The following PCSK6 variants were observed in gnomAD, a reference collection of about 807,000 sequenced individuals.
The protein encoded by PCSK6 is proprotein convertase subtilisin/kexin type 6, also known as paired basic amino acid cleaving enzyme 4.
Under a neutral mutation model 123.3 loss-of-function variants are expected in PCSK6, and 85 were observed. The ratio of observed to expected loss-of-function variants is 0.69; its 90% CI spans 0.58 to 0.83. The LOEUF is 0.83. Ranked by LOEUF, PCSK6 falls within the 40% of genes least tolerant of loss-of-function variation. The pLI, the probability that PCSK6 is intolerant of heterozygous loss-of-function variation, is 0.00. For missense variants in PCSK6, 1,191 were observed against 1,282.3 expected (o/e 0.93, Z 1.09); for synonymous variants, 508 against 516.0 (o/e 0.98, Z 0.21).
intron 1 of PCSK6, among the ~76,000 whole-genome samples, chr15:101,470,061 T>C (rs2057568300): frequency 6.6e-6 from 1 of 151,610 alleles, no homozygotes; most frequent in South Asian, 2.1e-4. Context: ...CTAACTGCCA[T>C]TTTTTTTGAA....
At chr15:101,418,670 G>A (rs2055976305) in intron 6 of PCSK6, among the ~76,000 whole-genome samples, 1 of 151,940 alleles carries the variant, frequency 6.6e-6, no homozygotes, top group Admixed American at 6.6e-5. Context: ...CTGCCACCAT[G>A]CCCAGCTAAT....
chr15:101,486,566 G>C (rs558221226), intron 1 of PCSK6, among the ~76,000 whole-genome samples: 1 of 152,312 alleles, frequency 6.6e-6, no homozygotes, highest in South Asian at 2.1e-4. Context: ...CTGATGAGTA[G>C]AGGGACAAAG....
intron 6 of PCSK6, among the ~76,000 whole-genome samples, chr15:101,403,744 G>A (rs904223588): frequency 6.6e-6 from 1 of 151,290 alleles, no homozygotes; most frequent in Non-Finnish European, 1.5e-5. Context: ...TTTTGAGATG[G>A]CGTCTCGCTC....
At chr15:101,377,656 T>C (rs2041790572) in intron 11 of PCSK6, among the ~76,000 whole-genome samples, 1 of 152,246 alleles carries the variant, frequency 6.6e-6, no homozygotes, top group Non-Finnish European at 1.5e-5. Flanking sequence ...TGTTTTAAAA[T>C]GACCGCCATA....
Position 101,398,279 on chromosome 15 carries a change from C to G in PCSK6, c.996+125G>C, listed in dbSNP as rs891209638. Reference sequence around the variant, plus strand: ...TGACTCCTCCACACTGGCCCTGGCACCTGTCACAGCAGAGTCTTCCCTGTC... The same window carrying G: ...TGACTCCTCCACACTGGCCCTGGCAGCTGTCACAGCAGAGTCTTCCCTGTC... On this transcript the variant is annotated intron_variant, in intron 7 of 21. Coordinates refer to ENST00000611716, the MANE Select transcript of PCSK6 (RefSeq NM_002570.5). This position sits in a 1 kb window ranked among gnomAD's most constrained non-coding sequence, Gnocchi z 4.6. 8.3e-7 allele frequency: 1 copy of G among 1,201,664 alleles called. No individual in the cohort carries two copies. Among genetic ancestry groups the G allele is most frequent in the African/African-American group, 1.5e-5 (1 of 66,062 alleles). The allele number at this position is 1,201,664 out of a possible 1,614,324, so 74.4% of individuals were successfully genotyped here.
chr15:101,451,190 T>A (rs1376835567), intron 1 of PCSK6, among the ~76,000 whole-genome samples: 1 of 151,788 alleles, frequency 6.6e-6, no homozygotes, highest in Non-Finnish European at 1.5e-5. Flanking sequence ...TTTTTGAAGA[T>A]CCTGAGGAAT....
At chr15:101,354,799 C>T (rs1014864968) in intron 13 of PCSK6, among the ~76,000 whole-genome samples, 4 of 152,236 alleles carry the variant, frequency 2.6e-5, no homozygotes, top group Non-Finnish European at 5.9e-5. Context: ...CTCTCCCACT[C>T]CTCACCCCCA....
intron 2 of PCSK6, among the ~76,000 whole-genome samples, chr15:101,443,243 C>A (rs2056801616): frequency 6.6e-6 from 1 of 152,282 alleles, no homozygotes; most frequent in East Asian, 1.9e-4. Context: ...CAAAAACATC[C>A]ACCTGCCTGA....
intron 13 of PCSK6, among the ~76,000 whole-genome samples, chr15:101,362,441 T>TACAAGG (rs1445900131): frequency 1.2e-4 from 18 of 152,108 alleles, no homozygotes; most frequent in Non-Finnish European, 1.2e-4. Context: ...GTGCTCAGTG[T>TACAAGG]CACGGGGCTG....
At chr15:101,407,195 G>A (rs1001434371) in intron 6 of PCSK6, among the ~76,000 whole-genome samples, 16 of 152,172 alleles carry the variant, frequency 1.1e-4, no homozygotes, top group Non-Finnish European at 2.2e-4. Context: ...CGGAATGTCG[G>A]CTCTGCATGA....
intron 6 of PCSK6, among the ~76,000 whole-genome samples, chr15:101,423,137 T>C (rs1472310149): frequency 6.6e-6 from 1 of 151,916 alleles, no homozygotes; most frequent in East Asian, 1.9e-4. Flanking sequence ...CTTACAAACA[T>C]GTTAAAGAGT....
At chr15:101,455,381 C>A (rs954282740) in intron 1 of PCSK6, among the ~76,000 whole-genome samples, 2 of 152,214 alleles carry the variant, frequency 1.3e-5, no homozygotes, top group Non-Finnish European at 2.9e-5. Context: ...ATCCTTGGCC[C>A]CTCTCTATTG....
At chr15:101,471,492 C>G (rs940325705) in intron 1 of PCSK6, among the ~76,000 whole-genome samples, 1 of 152,220 alleles carries the variant, frequency 6.6e-6, no homozygotes. Context: ...GATCAAACTT[C>G]TCTCCATCCA....
intron 15 of PCSK6, among the ~76,000 whole-genome samples, chr15:101,328,130 G>C (rs2040299915): frequency 1.3e-5 from 2 of 152,316 alleles, no homozygotes; most frequent in South Asian, 4.1e-4. Context: ...CAAAACTCCA[G>C]CTCAGCCACT....
At chr15:101,487,372 T>C (rs1469524395) in intron 1 of PCSK6, among the ~76,000 whole-genome samples, 1 of 152,228 alleles carries the variant, frequency 6.6e-6, no homozygotes, top group East Asian at 1.9e-4. Context: ...CTCCCCAGAA[T>C]ATCCTGGGTA....
chr15:101,456,037 T>C (rs2057170054), intron 1 of PCSK6, among the ~76,000 whole-genome samples: 1 of 152,222 alleles, frequency 6.6e-6, no homozygotes, highest in Non-Finnish European at 1.5e-5. Flanking sequence ...AGGCACTACA[T>C]TGCCTTTTCT....
At chr15:101,408,532 T>C (rs935937692) in intron 6 of PCSK6, among the ~76,000 whole-genome samples, 1 of 152,208 alleles carries the variant, frequency 6.6e-6, no homozygotes, top group African/African-American at 2.4e-5. Context: ...CTCCTTCCTA[T>C]GGCTCCTGCT....
chr15:101,377,675 A>G (rs1567175498), intron 11 of PCSK6, among the ~76,000 whole-genome samples: 1 of 152,250 alleles, frequency 6.6e-6, no homozygotes, highest in Non-Finnish European at 1.5e-5. Flanking sequence ...TACGCAGTCT[A>G]GTTTCACGAA....
intron 11 of PCSK6, among the ~76,000 whole-genome samples, chr15:101,372,433 A>C (rs2041613959): frequency 6.6e-6 from 1 of 152,240 alleles, no homozygotes; most frequent in Non-Finnish European, 1.5e-5. Context: ...TAAGTATTTG[A>C]AAACACGCTT....
Sources: allele counts gnomAD v4.1 joint callset (sites outside exome capture counted in the v4.1 genomes callset), GRCh38; gene constraint gnomAD v4.1.1; non-coding constraint Gnocchi (gnomAD v3.1); transcripts MANE v1.5; gene names NCBI Gene and HGNC (gene_info 2026-07-23, HGNC 2026-07-21).